SZT2: variants seen among roughly 807,000 people sequenced by gnomAD.
SZT2 encodes the protein SZT2 subunit of KICSTOR complex.
In SZT2, 216 loss-of-function variants were observed where a neutral mutation model predicts 404.2. That is an observed-to-expected ratio of 0.53 (90% CI 0.48 to 0.60). SZT2 has a LOEUF of 0.60. Ranked by LOEUF, SZT2 falls within the 20% of genes least tolerant of loss-of-function variation. The pLI, the probability that SZT2 is intolerant of heterozygous loss-of-function variation, is 0.00. For synonymous variants in SZT2, 1,693 were observed against 1,749.9 expected, an observed-to-expected ratio of 0.97 and a Z score of 0.81; for missense variants, 3,857 against 4,459.2, an observed-to-expected ratio of 0.86 and a Z score of 3.85.
chr1:43,448,791 T>A lies in SZT2; in HGVS notation c.10086+63T>A, dbSNP rs1425156006. On this transcript the variant is annotated intron_variant, in intron 70 of 71. Coordinates refer to ENST00000634258, the MANE Select transcript of SZT2 (RefSeq NM_001365999.1). This position sits in a 1 kb window ranked among gnomAD's most constrained non-coding sequence, Gnocchi z 4.2. ...AGCAGAAATCCTCACCAAACAGATG[T>A]GCCCCTCAGCCTGACCAAACAAGCT... The A allele has an allele frequency of 9.4e-6, 14 of 1,490,324 alleles. No individual in the cohort carries two copies. Among genetic ancestry groups the A allele is most frequent in the Non-Finnish European group, 1.3e-5 (14 of 1,068,640 alleles). 92.3% of individuals were successfully genotyped at this position (1,490,324 alleles called of 1,614,324 possible). A position where few individuals can be genotyped will look rare whatever the true frequency, so the allele number is the denominator to read the frequency against.
In SZT2 at chr1:43,437,780, T is replaced by G; in HGVS notation, c.6397-11T>G. 1 of 1,614,162 alleles carries G rather than the reference T, an allele frequency of 6.2e-7. No individual in the cohort carries two copies. Among genetic ancestry groups the G allele is most frequent in the South Asian group, 1.1e-5 (1 of 91,088 alleles). On this transcript the variant is annotated splice_polypyrimidine_tract_variant and intron_variant, in intron 45 of 71. Coordinates refer to ENST00000634258, the MANE Select transcript of SZT2 (RefSeq NM_001365999.1). This position sits in a 1 kb window ranked among gnomAD's most constrained non-coding sequence, Gnocchi z 5.3. The stretch of plus-strand genomic sequence containing the variant: ...CTGGAACCGGGGCCCTGACCACAGT[T>G]TTCCCTGTAGGGTCCTCGTTCTCCC...
chr1:43,404,124 T>C (rs1158571996), intron 3 of SZT2: 2 of 525,800 alleles, frequency 3.8e-6, no homozygotes, highest in Non-Finnish European at 3.4e-6. Flanking sequence ...GGAGGATTGC[T>C]TGAGCCCAGG....
intron 46 of SZT2, 110 bp from the exon 47 acceptor site, chr1:43,438,589 C>A: frequency 9.6e-7 from 1 of 1,038,956 alleles, no homozygotes; most frequent in South Asian, 1.4e-5. Flanking sequence ...GCACTCCTAA[C>A]ACTGCCTCTA....
Position 43,432,541 on chromosome 1 carries a change from C to T in SZT2, c.5467C>T (p.Pro1823Ser), listed in dbSNP as rs1654024337. 5 of 1,612,008 alleles carry T rather than the reference C, an allele frequency of 3.1e-6. No individual in the cohort carries two copies. The East Asian group carries it at 6.7e-5, about 22-fold the overall frequency. ...GACCCTGACAGCCAGCCCCCAAGCACCTGGGTCCCCAGAGGATTCTGAGGG... is the reference window on the plus strand; with the variant it reads ...GACCCTGACAGCCAGCCCCCAAGCATCTGGGTCCCCAGAGGATTCTGAGGG... Reference protein sequence around the residue: ...GETLTASPQAPGSPEDSEGVP... With the variant: ...GETLTASPQASGSPEDSEGVP... The change falls in exon 38 of 72, where the codon CCT becomes TCT. Residue 1823 changes from proline to serine, a missense_variant. Coordinates refer to ENST00000634258, the MANE Select transcript of SZT2 (RefSeq NM_001365999.1).
chr1:43,400,836 C>T (rs1649592442), intron 1 of SZT2, among the ~76,000 whole-genome samples: 1 of 151,496 alleles, frequency 6.6e-6, no homozygotes, highest in Admixed American at 6.6e-5. Context: ...CGTGCCACTG[C>T]ACTCCAGCCT....
At position 43,443,705 on chromosome 1, in the gene SZT2, C is replaced by T. The variant is rs1177722313; in HGVS notation, c.8734C>T (p.Leu2912=). 6 of 1,614,128 alleles carry T rather than the reference C, an allele frequency of 3.7e-6. No individual in the cohort carries two copies. Among genetic ancestry groups the T allele is most frequent in the Non-Finnish European group, 3.4e-6 (4 of 1,180,052 alleles). ...GAREEPWLKE[L]SLAFLQQYVQ... ...CCGTGAGGAGCCTTGGCTGAAGGAGCTGAGCTTGGCTTTCCTGCAGCAATA... is the reference window on the plus strand; with the variant it reads ...CCGTGAGGAGCCTTGGCTGAAGGAGTTGAGCTTGGCTTTCCTGCAGCAATA... The change falls in exon 62 of 72, where the codon CTG becomes TTG. Residue 2912 remains leucine (L), a synonymous_variant. Transcript: ENST00000634258.
intron 41 of SZT2, 133 bp downstream of exon 41, chr1:43,434,618 G>C: frequency 1.2e-6 from 1 of 800,772 alleles, no homozygotes; most frequent in East Asian, 2.7e-5. Flanking sequence ...TCCCCAGTTA[G>C]TAGGATGCTG....
In SZT2 at chr1:43,437,708, T is replaced by C. The variant is rs367727984; in HGVS notation, c.6396+8T>C. ...TACTCTGAGGAAGCCTCGGCATGTA[T>C]CACTCCCACTCTCTGATGCCCCTGT... On this transcript the variant is annotated splice_region_variant and intron_variant, in intron 45 of 71. Transcript: ENST00000634258. This position sits in a 1 kb window ranked among gnomAD's most constrained non-coding sequence, Gnocchi z 5.3. 2 of 1,614,108 alleles carry C rather than the reference T, an allele frequency of 1.2e-6. No homozygotes were observed. Among genetic ancestry groups the C allele is most frequent in the Non-Finnish European group, 8.5e-7 (1 of 1,180,004 alleles).
In SZT2 at chr1:43,423,205, G is replaced by C; in HGVS notation, c.2144G>C (p.Gly715Ala). The C allele has an allele frequency of 6.3e-7, 1 of 1,597,490 alleles. No homozygotes were observed. The highest frequency in any genetic ancestry group is 1.1e-5 in the South Asian group (1 of 91,004). Residue 715 changes from glycine (G) to alanine (A), a missense_variant, in exon 15 of 72, where the codon GGT (glycine) becomes GCT (alanine). Physicochemically the swap from Gly to Ala is moderately conservative, Grantham distance 60 (BLOSUM62 0). This residue lies in a region of SZT2 where 1,725 missense variants were observed against 1,881.0 expected (regional missense o/e 0.92). Transcript: ENST00000634258. ...AAACGAAAAGGGCTAGGGGGTGCTG[G>C]TGGGGGCAGCTCTCCCTCCAAGTCA... ...KVKRKGLGGA[G>A]GGSSPSKSPP...
chr1:43,407,154 C>G (rs1650412741), intron 4 of SZT2, among the ~76,000 whole-genome samples: 1 of 152,056 alleles, frequency 6.6e-6, no homozygotes, highest in South Asian at 2.1e-4. Flanking sequence ...TCAGTTAAGC[C>G]CCAGGGCCAC....
chr1:43,432,921 G>C, intron 39 of SZT2, 68 bp from the exon 40 acceptor site: 1 of 1,597,552 alleles, frequency 6.3e-7, no homozygotes, highest in Non-Finnish European at 8.6e-7. Context: ...CAAGCCAGAT[G>C]CACCTGGAGG....
intron 1 of SZT2, among the ~76,000 whole-genome samples, chr1:43,398,941 A>T (rs1330609331): frequency 6.6e-6 from 1 of 152,128 alleles, no homozygotes; most frequent in Non-Finnish European, 1.5e-5. Flanking sequence ...ATAGCCAGGC[A>T]TGGTGGCATG....
intron 1 of SZT2, among the ~76,000 whole-genome samples, chr1:43,392,127 A>AAAAAAAAAAAAAAAAAAAAC (rs1648448715): frequency 7.0e-6 from 1 of 142,014 alleles, no homozygotes; most frequent in Non-Finnish European, 1.6e-5. Context: ...AAAAAAAAAA[A>AAAAAAAAAAAAAAAAAAAAC]TGAAACAAAT....
rs754357490 is a variant in SZT2 at position 43,425,590 on chromosome 1, C to T, written c.2762C>T (p.Pro921Leu). Residue 921 changes from proline to leucine, a missense_variant, in exon 19 of 72, where the codon CCT (proline) becomes CTT (leucine). Physicochemically the swap from Pro to Leu is moderately conservative, Grantham distance 98. This residue lies in a region of SZT2 where 1,725 missense variants were observed against 1,881.0 expected (regional missense o/e 0.92). Transcript: ENST00000634258. This position sits in a 1 kb window ranked among gnomAD's most constrained non-coding sequence, Gnocchi z 4.3. ...EPQYGRVGPGPGIWKHLQDLT... is the reference protein window; with the variant it reads ...EPQYGRVGPGLGIWKHLQDLT... Reference sequence around the variant, plus strand: ...CAGTATGGGCGAGTGGGACCTGGCCCTGGAATCTGGAAGCACCTCCAGGAC... The same window carrying T: ...CAGTATGGGCGAGTGGGACCTGGCCTTGGAATCTGGAAGCACCTCCAGGAC... The T allele has an allele frequency of 6.2e-7, 1 of 1,614,190 alleles. No individual in the cohort carries two copies. The highest frequency in any genetic ancestry group is 1.1e-5 in the South Asian group (1 of 91,080).
chr1:43,427,015 T>G, intron 23 of SZT2, 41 bp from the exon 24 acceptor site: 1 of 1,610,774 alleles, frequency 6.2e-7, no homozygotes, highest in African/African-American at 1.3e-5. Flanking sequence ...GGGTTGGACA[T>G]TCCCTTATAG....
Position 43,440,564 on chromosome 1 carries a change from G to T in SZT2, c.7322G>T (p.Arg2441Leu). The T allele has an allele frequency of 6.2e-7, 1 of 1,602,744 alleles. No homozygotes were observed. The highest frequency in any genetic ancestry group is 8.5e-7 in the Non-Finnish European group (1 of 1,174,994). ...EPVTPPSKAG[R>L]RSFWDMLSKT... ...GTGACTCCACCCAGCAAAGCGGGCC[G>T]GCGTAGCTTCTGGGATATGCTGGTA... The change falls in exon 52 of 72, where the codon CGG (arginine) becomes CTG (leucine). Residue 2441 changes from arginine (R) to leucine (L), a missense_variant. By Grantham distance (102) the Arg-to-Leu change is moderately radical (BLOSUM62 -2). This residue lies in a region of SZT2 where 573 missense variants were observed against 592.4 expected (regional missense o/e 0.97). Coordinates refer to ENST00000634258, the MANE Select transcript of SZT2 (RefSeq NM_001365999.1).
At chr1:43,429,556 CTT>C in intron 28 of SZT2, 145 bp from the exon 29 acceptor site, 1 of 931,134 alleles carries the variant, frequency 1.1e-6, no homozygotes. Context: ...GGTTGGTTCT[CTT>C]TGCCTCTTTT....
rs765698185 is a variant in SZT2 at position 43,442,821 on chromosome 1, G to A, written c.8154G>A (p.Glu2718=). 5 of 1,599,534 alleles carry A rather than the reference G, an allele frequency of 3.1e-6. No homozygotes were observed. In the Admixed American group the frequency reaches 5.1e-5, roughly 16 times the overall value. The stretch of plus-strand genomic sequence containing the variant: ...CATTGCAATGCTCCATCTCTCAGGA[G>A]CCAAACCCATTCCTGCTGCCGACCA... ...QLDFPVRDEK[E]PNPFLLPTME... Residue 2718 remains glutamate (E), a splice_region_variant and synonymous_variant, in exon 59 of 72, where the codon GAG becomes GAA. Transcript: ENST00000634258. This position sits in a 1 kb window ranked among gnomAD's most constrained non-coding sequence, Gnocchi z 4.5.
intron 66 of SZT2, 148 bp downstream of exon 66, chr1:43,447,316 T>C: frequency 1.8e-6 from 2 of 1,127,888 alleles, no homozygotes; most frequent in Admixed American, 4.6e-5. Context: ...CATGTTTCTG[T>C]CCTGTGTCTG....
Sources: allele counts gnomAD v4.1 joint callset (sites outside exome capture counted in the v4.1 genomes callset), GRCh38; gene constraint gnomAD v4.1.1; regional missense constraint gnomAD v4.1.1; non-coding constraint Gnocchi (gnomAD v3.1); transcripts MANE v1.5; gene names NCBI Gene and HGNC (gene_info 2026-07-23, HGNC 2026-07-21).